The following CRB1 variants were observed in gnomAD, a reference collection of about 807,000 sequenced individuals.
CRB1 encodes crumbs cell polarity complex component 1, also known as protein crumbs homolog 1.
Under a neutral mutation model 120.0 loss-of-function variants are expected in CRB1, and 83 were observed. The ratio of observed to expected loss-of-function variants is 0.69; its 90% CI spans 0.58 to 0.83. CRB1 has a LOEUF of 0.83. Ranked by LOEUF, CRB1 falls within the 40% of genes least tolerant of loss-of-function variation. The pLI is 0.00. For missense variants in CRB1, 1,699 were observed against 1,687.6 expected (o/e 1.01, Z -0.12); for synonymous variants, 625 against 612.5 (o/e 1.02, Z -0.30).
the CRB1 span, among the ~76,000 whole-genome samples, chr1:197,256,114 A>G: frequency 3.3e-5 from 5 of 150,958 alleles, no homozygotes; most frequent in Admixed American, 6.6e-5. Context: ...TGTCAAGGTC[A>G]TCAATGACCT....
At chr1:197,221,623 G>T in the CRB1 span, among the ~76,000 whole-genome samples, 1 of 152,154 alleles carries the variant, frequency 6.6e-6, no homozygotes, top group Admixed American at 6.6e-5. Context: ...TCACTGATTA[G>T]TAGTAGCTGT....
At chr1:197,390,969 A>C (rs1558102622) in intron 5 of CRB1, among the ~76,000 whole-genome samples, 1 of 152,094 alleles carries the variant, frequency 6.6e-6, no homozygotes, top group East Asian at 1.9e-4. Context: ...CATTAAAAAA[A>C]ATTCTAAGGA....
intron 1 of CRB1, among the ~76,000 whole-genome samples, chr1:197,309,941 A>G (rs1379052659): frequency 6.6e-6 from 1 of 152,128 alleles, no homozygotes; most frequent in Admixed American, 6.6e-5. Context: ...CTGGACTAAC[A>G]ATATGTTTAT....
chr1:197,404,730 A>G (rs1044899278), intron 5 of CRB1, among the ~76,000 whole-genome samples: 3 of 152,216 alleles, frequency 2.0e-5, no homozygotes, highest in African/African-American at 7.2e-5. Flanking sequence ...CCTGCTAAAC[A>G]GCAATTATTA....
chr1:197,237,767 G>T, the CRB1 span, among the ~76,000 whole-genome samples: 1 of 151,906 alleles, frequency 6.6e-6, no homozygotes, highest in Non-Finnish European at 1.5e-5. Context: ...ATGTCATTTT[G>T]GCAGAGGTTC....
At chr1:197,434,627 A>T (rs1413880861) in intron 8 of CRB1, 79 bp from the exon 9 acceptor site, 2 of 1,222,446 alleles carry the variant, frequency 1.6e-6, no homozygotes, top group East Asian at 2.4e-5. Flanking sequence ...TAACACAATG[A>T]TCATTACTAT....
At chr1:197,430,044 G>A (rs879842288) in intron 8 of CRB1, among the ~76,000 whole-genome samples, 22 of 152,158 alleles carry the variant, frequency 1.4e-4, no homozygotes, top group Admixed American at 1.4e-3. Context: ...TACTTCTTCG[G>A]TTTCTTTGTG....
intron 11 of CRB1, among the ~76,000 whole-genome samples, chr1:197,451,184 T>C (rs1665955564): frequency 1.3e-5 from 2 of 152,156 alleles, no homozygotes; most frequent in Admixed American, 6.5e-5. Context: ...AAGCACTGAT[T>C]GAAAGAGAGA....
intron 5 of CRB1, among the ~76,000 whole-genome samples, chr1:197,371,216 T>G (rs887266898): frequency 4.6e-5 from 7 of 152,150 alleles, no homozygotes; most frequent in Admixed American, 4.6e-4. Context: ...TCTTTCTCTC[T>G]TCATTGTACT....
chr1:197,295,538 C>G (rs914005132), intron 1 of CRB1, among the ~76,000 whole-genome samples: 1 of 152,020 alleles, frequency 6.6e-6, no homozygotes, highest in Non-Finnish European at 1.5e-5. Flanking sequence ...TCAAGAACTT[C>G]ACAGTATCAC....
chr1:197,430,543 TCTCTTTTG>T (rs1250771543), intron 8 of CRB1, among the ~76,000 whole-genome samples: 3 of 152,120 alleles, frequency 2.0e-5, no homozygotes, highest in Non-Finnish European at 4.4e-5. Context: ...CACTCCATTC[TCTCTTTTG>T]CTCCATACAG....
the CRB1 span, among the ~76,000 whole-genome samples, chr1:197,204,292 C>T: frequency 6.6e-6 from 1 of 152,204 alleles, no homozygotes; most frequent in Non-Finnish European, 1.5e-5. Context: ...ACTTCTTTTC[C>T]TCTGGGTAGA....
intron 5 of CRB1, among the ~76,000 whole-genome samples, chr1:197,387,553 C>G (rs1366837307): frequency 6.6e-6 from 1 of 151,826 alleles, no homozygotes; most frequent in Non-Finnish European, 1.5e-5. Context: ...GATTTTGGCA[C>G]CTGGCGTACT....
intron 5 of CRB1, among the ~76,000 whole-genome samples, chr1:197,416,019 G>A (rs1663982564): frequency 2.0e-5 from 3 of 152,248 alleles, no homozygotes; most frequent in South Asian, 4.1e-4. Context: ...TTCCCAGCCA[G>A]GCCTGAAGAG....
intron 1 of CRB1, among the ~76,000 whole-genome samples, chr1:197,314,478 A>G (rs1420038357): frequency 3.9e-5 from 6 of 152,124 alleles, no homozygotes. Context: ...TAATTTCAAC[A>G]GTTATGTCAT....
chr1:197,347,218 G>T, intron 3 of CRB1, 122 bp from the exon 4 acceptor site: 1 of 857,928 alleles, frequency 1.2e-6, no homozygotes. Flanking sequence ...ATTCCCCAGA[G>T]TTTTTGAGGT....
At chr1:197,436,811 G>T (rs1665182929) in intron 9 of CRB1, among the ~76,000 whole-genome samples, 1 of 151,980 alleles carries the variant, frequency 6.6e-6, no homozygotes, top group African/African-American at 2.4e-5. Flanking sequence ...TTGTAATAAG[G>T]CACAGACCAC....
intron 5 of CRB1, among the ~76,000 whole-genome samples, chr1:197,405,973 G>A (rs1422757366): frequency 6.7e-5 from 10 of 150,292 alleles, no homozygotes; most frequent in South Asian, 2.1e-4. Flanking sequence ...CCCCCCGCCC[G>A]GCCAGCCGCC....
chr1:197,422,195 A>G (rs1030482624), intron 6 of CRB1, among the ~76,000 whole-genome samples: 1 of 152,220 alleles, frequency 6.6e-6, no homozygotes, highest in Non-Finnish European at 1.5e-5. Context: ...AAATAAGCAG[A>G]TAGCTCTTTT....
Sources: allele counts gnomAD v4.1 joint callset (sites outside exome capture counted in the v4.1 genomes callset), GRCh38; gene constraint gnomAD v4.1.1; transcripts MANE v1.5; gene names NCBI Gene and HGNC (gene_info 2026-07-23, HGNC 2026-07-21).